KLC1: variants seen among roughly 807,000 people sequenced by gnomAD.
KLC1 encodes the protein kinesin 2 60/70kDa.
A neutral mutation model predicts 84.2 loss-of-function variants in KLC1; 30 were observed. The observed-to-expected ratio is 0.36, with a 90% confidence interval of 0.27 to 0.48. The LOEUF (loss-of-function observed/expected upper bound fraction) is 0.48, where lower values mean the gene tolerates loss of function less well. KLC1 is among the 20% of genes least tolerant of loss of function. The pLI, the probability that KLC1 is intolerant of heterozygous loss-of-function variation, is 0.99. For synonymous variants in KLC1, 289 were observed against 293.3 expected, an observed-to-expected ratio of 0.99 and a Z score of 0.15; for missense variants, 499 against 805.4, an observed-to-expected ratio of 0.62 and a Z score of 4.60.
In KLC1 at chr14:103,687,181, G is replaced by T. The variant is rs529431039; in HGVS notation, c.1751G>T (p.Ser584Ile). The change falls in exon 14 of 17, where the codon AGT becomes ATT. Residue 584 changes from serine to isoleucine, a missense_variant. Around this residue, in one of 3 missense-constraint regions of KLC1, gnomAD observed 167 missense variants for 208.8 expected, o/e 0.80. Transcript: ENST00000334553. ...CTGGTTAGGAAGCTGAAGGGAGGAAGTTCACGAGAGAGTGAGCCAAAGAAC... is the reference window on the plus strand; with the variant it reads ...CTGGTTAGGAAGCTGAAGGGAGGAATTTCACGAGAGAGTGAGCCAAAGAAC... ...EKLVRKLKGG[S>I]SRESEPKNPG... 1 of 1,547,914 alleles carries T rather than the reference G, an allele frequency of 6.5e-7. No individual in the cohort carries two copies. The highest frequency in any genetic ancestry group is 8.7e-7 in the Non-Finnish European group (1 of 1,144,570).
In KLC1 at chr14:103,677,434, C is replaced by T. The variant is rs762346430; in HGVS notation, c.1399C>T (p.Leu467=). The change falls in exon 12 of 17, where the codon CTA becomes TTA. Residue 467 remains leucine (L), a synonymous_variant. Transcript: ENST00000334553. The part of the protein sequence containing the change: ...KVDSPTVTTT[L]KNLGALYRRQ... ...TTACAGTCCAACTGTTACAACCACT[C>T]TAAAAAACCTTGGGGCACTTTACAG... is the stretch of plus-strand genomic sequence containing the variant. 4 of 1,612,640 alleles carry T rather than the reference C, an allele frequency of 2.5e-6. No individual in the cohort carries two copies. Among genetic ancestry groups the T allele is most frequent in the African/African-American group, 2.7e-5 (2 of 74,974 alleles).
rs1272529987 is a variant in KLC1 at position 103,654,637 on chromosome 14, A to G, written c.73A>G (p.Ile25Val). The change falls in exon 2 of 17, where the codon ATT becomes GTT. Residue 25 changes from isoleucine to valine, a missense_variant. Physicochemically the swap from Ile to Val is conservative, Grantham distance 29. Transcript: ENST00000334553. ...KLEKLTQDEIISKTKQVIQGL... is the reference protein window; with the variant it reads ...KLEKLTQDEIVSKTKQVIQGL... ...GGAGAAGCTTACACAGGATGAAATT[A>G]TTTCTAAGACAAAGCAAGTAATTCA... The G allele has an allele frequency of 1.2e-6, 2 of 1,614,190 alleles. No individual in the cohort carries two copies. Among genetic ancestry groups the G allele is most frequent in the Non-Finnish European group, 1.7e-6 (2 of 1,179,994 alleles).
chr14:103,663,228 C>T (rs546315714), intron 5 of KLC1, among the ~76,000 whole-genome samples: 23 of 151,890 alleles, frequency 1.5e-4, no homozygotes, highest in African/African-American at 5.3e-4. Flanking sequence ...TTCAGGCACC[C>T]GCCACCATGC....
At chr14:103,696,950 GC>G in intron 15 of KLC1, 1 of 985,426 alleles carries the variant, frequency 1.0e-6, no homozygotes, top group Non-Finnish European at 1.2e-6. Context: ...GGGACGGGAA[GC>G]CCCTCGGCCC....
intron 15 of KLC1, chr14:103,699,926 T>C: frequency 2.7e-6 from 1 of 364,468 alleles, no homozygotes; most frequent in Non-Finnish European, 5.3e-6. Context: ...TGCCATGGTT[T>C]CACCCTCTCC....
chr14:103,663,807 G>A (rs1195779108), intron 5 of KLC1, among the ~76,000 whole-genome samples: 1 of 152,182 alleles, frequency 6.6e-6, no homozygotes, highest in Non-Finnish European at 1.5e-5. Flanking sequence ...CAGGATTGAG[G>A]TTGTCGGGGT....
chr14:103,657,482 A>G, intron 2 of KLC1, 64 bp from the exon 3 acceptor site: 1 of 1,327,440 alleles, frequency 7.5e-7, no homozygotes, highest in Non-Finnish European at 1.1e-6. Flanking sequence ...GAATGTTCGC[A>G]CGGGTGGGAG....
chr14:103,659,060 C>T (rs759586776), intron 3 of KLC1, among the ~76,000 whole-genome samples: 2 of 152,098 alleles, frequency 1.3e-5, no homozygotes, highest in Non-Finnish European at 2.9e-5. Context: ...TCACTGCAGC[C>T]TCCACCTCCT....
chr14:103,698,953 G>C (rs1028469687), intron 15 of KLC1: 2 of 1,601,008 alleles, frequency 1.2e-6, no homozygotes, highest in Admixed American at 3.4e-5. Flanking sequence ...TCAGCCAGCA[G>C]TCTCACCAGG....
intron 7 of KLC1, among the ~76,000 whole-genome samples, chr14:103,672,608 G>A (rs1749550255): frequency 6.6e-6 from 1 of 152,162 alleles, no homozygotes; most frequent in African/African-American, 2.4e-5. Context: ...GCTAGGAGAA[G>A]AGCATCCTGG....
chr14:103,667,129 T>A (rs956272559), intron 5 of KLC1, among the ~76,000 whole-genome samples: 1 of 151,560 alleles, frequency 6.6e-6, no homozygotes, highest in Non-Finnish European at 1.5e-5. Context: ...TTATTTTTTT[T>A]ACACGGAGTT....
rs145276490 is a variant in KLC1, at chr14:103,700,722, G to A, written c.1916G>A (p.Arg639His). ...QQQQWPGRRH[R>H] ...CAGCAGTGGCCTGGAAGACGCCACC[G>A]CTAACGTGAGTCCCACGGCCTGCAG... is the stretch of plus-strand genomic sequence containing the variant. The change falls in exon 16 of 17, where the codon CGC (arginine) becomes CAC (histidine). Residue 639 changes from arginine (R) to histidine (H), a missense_variant. Physicochemically the swap from Arg to His is conservative, Grantham distance 29. Around this residue, in one of 3 missense-constraint regions of KLC1, gnomAD observed 167 missense variants for 208.8 expected, o/e 0.80. Transcript: ENST00000334553. 4.5e-5 allele frequency: 72 copies of A among 1,597,090 alleles called. No individual in the cohort carries two copies. The East Asian group carries it at 1.3e-3, about 28-fold the overall frequency.
At chr14:103,679,122 C>G (rs1406230406) in intron 12 of KLC1, among the ~76,000 whole-genome samples, 1 of 152,038 alleles carries the variant, frequency 6.6e-6, no homozygotes, top group Non-Finnish European at 1.5e-5. Context: ...AGTTGCAGTC[C>G]TAGGTATAGA....
At chr14:103,665,316 G>A (rs187937816) in intron 5 of KLC1, among the ~76,000 whole-genome samples, 1 of 152,116 alleles carries the variant, frequency 6.6e-6, no homozygotes, top group East Asian at 1.9e-4. Flanking sequence ...GTCCCAAAGT[G>A]CTGGGATTAT....
At chr14:103,652,105 A>G (rs2078494548) in intron 1 of KLC1, among the ~76,000 whole-genome samples, 1 of 152,256 alleles carries the variant, frequency 6.6e-6, no homozygotes, top group Admixed American at 6.5e-5. Flanking sequence ...TATATGTTGC[A>G]TCATTTGGAT....
intron 1 of KLC1, among the ~76,000 whole-genome samples, chr14:103,630,687 C>T (rs1049488499): frequency 1.3e-5 from 2 of 152,156 alleles, no homozygotes; most frequent in Non-Finnish European, 2.9e-5. Context: ...GTCAGCAAGC[C>T]TGTTATGGTG....
chr14:103,629,930 G>A (rs981221461), intron 1 of KLC1, among the ~76,000 whole-genome samples: 2 of 152,154 alleles, frequency 1.3e-5, no homozygotes, highest in African/African-American at 4.8e-5. Flanking sequence ...GATCGCGGCG[G>A]GCGGGGAGGC....
At position 103,688,307 on chromosome 14, in the gene KLC1, G is replaced by A. The variant is rs373802454; in HGVS notation, c.1781+1096G>A. Among the ~76,000 whole-genome samples the A allele has an allele frequency of 5.3e-5, 8 of 152,028 alleles. No homozygotes were observed. In the East Asian group the frequency reaches 9.6e-4, roughly 18 times the overall value. ...TGGGATTACAGGCACATGCCACCACGCCTGGCTAGTTTTTTGTATTTTTAG... is the reference window on the plus strand; with the variant it reads ...TGGGATTACAGGCACATGCCACCACACCTGGCTAGTTTTTTGTATTTTTAG... On this transcript the variant is annotated intron_variant, in intron 14 of 16. Transcript: ENST00000334553.
At chr14:103,678,669 A>G (rs140253465) in intron 12 of KLC1, among the ~76,000 whole-genome samples, 5 of 152,162 alleles carry the variant, frequency 3.3e-5, no homozygotes, top group African/African-American at 1.2e-4. Context: ...CAGTCTGGGC[A>G]ACAGAGCGAG....
Sources: gnomAD v4.1 joint callset for allele counts (sites outside exome capture counted in the v4.1 genomes callset) on GRCh38, gnomAD v4.1.1 for gene constraint, gnomAD v4.1.1 regional missense constraint, MANE v1.5 for transcripts, NCBI Gene and HGNC (gene_info 2026-07-23, HGNC 2026-07-21) for gene names.